Variants in RBFOX1 observed in about 807,000 individuals in gnomAD.
The protein encoded by RBFOX1 is RNA binding protein fox-1 homolog 1.
A neutral mutation model predicts 57.7 loss-of-function variants in RBFOX1; 8 were observed. The ratio of observed to expected loss-of-function variants is 0.14; its 90% CI spans 0.08 to 0.25. The LOEUF (loss-of-function observed/expected upper bound fraction) is 0.25. RBFOX1 is among the 10% of genes least tolerant of loss of function. The probability of loss-of-function intolerance (pLI) is 1.00; values close to 1 mark genes in which losing one functional copy is unlikely to be tolerated. For missense variants in RBFOX1, 611 were observed against 548.5 expected (o/e 1.11, Z -1.14); for synonymous variants, 326 against 222.4 (o/e 1.47, Z -4.15).
intron 10 of RBFOX1, among the ~76,000 whole-genome samples, chr16:7,622,144 T>C (rs1327711256): frequency 1.3e-5 from 2 of 152,162 alleles, no homozygotes; most frequent in African/African-American, 4.8e-5. Context: ...GCACTTGATT[T>C]AGAAGATGAT....
intron 5 of RBFOX1, among the ~76,000 whole-genome samples, chr16:7,521,834 G>C (rs2077571139): frequency 6.6e-6 from 1 of 152,182 alleles, no homozygotes; most frequent in South Asian, 2.1e-4. Context: ...AAAAGTCCAG[G>C]CGGAGGGTGG....
chr16:7,225,921 A>ATATATATATATATATATATAT (rs1567789355), intron 4 of RBFOX1, among the ~76,000 whole-genome samples: 5 of 73,206 alleles, frequency 6.8e-5, no homozygotes, highest in Admixed American at 3.6e-4. Context: ...TATATATATA[A>ATATATATATATATATATATAT]ATGTGAATGT....
intron 3 of RBFOX1, among the ~76,000 whole-genome samples, chr16:5,766,019 A>T (rs1005645331): frequency 6.6e-6 from 1 of 152,162 alleles, no homozygotes; most frequent in African/African-American, 2.4e-5. Flanking sequence ...GCCCATTGGG[A>T]CAGTGGGGAC....
intron 5 of RBFOX1, among the ~76,000 whole-genome samples, chr16:7,561,910 G>C (rs866465310): frequency 6.6e-6 from 1 of 152,084 alleles, no homozygotes; most frequent in Non-Finnish European, 1.5e-5. Context: ...GTGGAATTTA[G>C]GATTTAGTAC....
At chr16:5,390,056 C>G (rs952142295) in intron 1 of RBFOX1, among the ~76,000 whole-genome samples, 7 of 152,028 alleles carry the variant, frequency 4.6e-5, no homozygotes, top group African/African-American at 1.7e-4. Flanking sequence ...AGCTTAAAAA[C>G]TTTTATTGAA....
chr16:6,148,661 A>T (rs554440639), intron 1 of RBFOX1, among the ~76,000 whole-genome samples: 1 of 152,324 alleles, frequency 6.6e-6, no homozygotes, highest in Non-Finnish European at 1.5e-5. Flanking sequence ...GTGATGTAGA[A>T]CAGGCAGGAC....
intron 1 of RBFOX1, among the ~76,000 whole-genome samples, chr16:6,207,871 T>C (rs1358349336): frequency 6.6e-6 from 1 of 152,078 alleles, no homozygotes; most frequent in African/African-American, 2.4e-5. Context: ...AAAAATTTTT[T>C]TCAGAGACAG....
intron 14 of RBFOX1, among the ~76,000 whole-genome samples, chr16:7,705,889 G>C (rs1011931266): frequency 6.9e-4 from 105 of 152,272 alleles, no homozygotes; most frequent in African/African-American, 1.9e-3. Flanking sequence ...ATGGGAAGTG[G>C]GCACATGGAG....
intron 3 of RBFOX1, among the ~76,000 whole-genome samples, chr16:6,756,388 A>G (rs1297392546): frequency 6.6e-6 from 1 of 152,200 alleles, no homozygotes; most frequent in African/African-American, 2.4e-5. Context: ...GGTAAAATGC[A>G]TTAAGACACT....
chr16:7,436,261 T>C (rs2098720522), intron 4 of RBFOX1, among the ~76,000 whole-genome samples: 1 of 152,252 alleles, frequency 6.6e-6, no homozygotes, highest in East Asian at 1.9e-4. Context: ...TGAGCATCTT[T>C]CCTATGGGTG....
At chr16:6,220,074 T>G (rs1567706731) in intron 1 of RBFOX1, among the ~76,000 whole-genome samples, 2 of 152,094 alleles carry the variant, frequency 1.3e-5, no homozygotes. Context: ...ATAAATGTAT[T>G]TATCTATATT....
At chr16:6,609,986 C>T (rs1202938705) in intron 2 of RBFOX1, among the ~76,000 whole-genome samples, 1 of 150,094 alleles carries the variant, frequency 6.7e-6, no homozygotes. Context: ...CCAGGCCTGG[C>T]AGTAGTGTGA....
chr16:6,805,237 A>G (rs2154261161), intron 3 of RBFOX1, among the ~76,000 whole-genome samples: 1 of 152,318 alleles, frequency 6.6e-6, no homozygotes, highest in South Asian at 2.1e-4. Context: ...TGTCTTTTGC[A>G]GGAACATGGA....
chr16:6,235,556 GTA>G (rs1207538429), intron 1 of RBFOX1, among the ~76,000 whole-genome samples: 69 of 66,248 alleles, frequency 1.0e-3, no homozygotes, highest in African/African-American at 2.5e-3. Context: ...GTGCGTGTAT[GTA>G]TGTGTGTGTG....
chr16:6,020,040 G>A (rs2095036405), intron 1 of RBFOX1, 48 bp downstream of exon 1: 29 of 1,432,294 alleles, frequency 2.0e-5, no homozygotes, highest in Middle Eastern at 1.8e-4. Flanking sequence ...TGACCTGGTG[G>A]GTCAGGTCCA....
intron 4 of RBFOX1, among the ~76,000 whole-genome samples, chr16:7,204,526 G>A (rs574664988): frequency 6.6e-6 from 1 of 152,230 alleles, no homozygotes; most frequent in East Asian, 1.9e-4. Flanking sequence ...TGCACCTGTA[G>A]TCCCAGTTAC....
intron 2 of RBFOX1, among the ~76,000 whole-genome samples, chr16:6,598,053 C>G (rs1038139093): frequency 1.3e-5 from 2 of 152,194 alleles, no homozygotes; most frequent in African/African-American, 4.8e-5. Context: ...GTTATAGTCA[C>G]TTTGGTCAGG....
intron 4 of RBFOX1, among the ~76,000 whole-genome samples, chr16:7,300,654 G>A (rs1199824269): frequency 1.3e-5 from 2 of 151,882 alleles, no homozygotes; most frequent in Non-Finnish European, 2.9e-5. Context: ...CAACAGCCTT[G>A]GGAAGTTATA....
chr16:6,862,659 G>A (rs545561674), intron 3 of RBFOX1, among the ~76,000 whole-genome samples: 3 of 152,136 alleles, frequency 2.0e-5, no homozygotes. Context: ...GGTTTTGTAT[G>A]AACAGAGCTG....
Sources: gnomAD v4.1 joint callset for allele counts (sites outside exome capture counted in the v4.1 genomes callset) on GRCh38, gnomAD v4.1.1 for gene constraint, MANE v1.5 for transcripts, NCBI Gene and HGNC (gene_info 2026-07-23, HGNC 2026-07-21) for gene names.